The following MOB4 variants were observed in gnomAD, a reference collection of about 807,000 sequenced individuals.
The protein encoded by MOB4 is MOB-like protein phocein.
A neutral mutation model predicts 32.2 loss-of-function variants in MOB4; 4 were observed. The ratio of observed to expected loss-of-function variants is 0.12; its 90% CI spans 0.06 to 0.28. The LOEUF is 0.28. Among genes scored for constraint, MOB4 ranks in the 10% least tolerant of loss-of-function variants. MOB4 has a pLI of 1.00. For missense variants in MOB4, 158 were observed against 271.2 expected, an observed-to-expected ratio of 0.58 and a Z score of 2.93; for synonymous variants, 88 against 88.1, an observed-to-expected ratio of 1.00 and a Z score of 0.01.
intron 1 of MOB4, among the ~76,000 whole-genome samples, chr2:197,522,583 G>A (rs972091096): frequency 5.3e-5 from 8 of 151,428 alleles, no homozygotes; most frequent in South Asian, 4.2e-4. Context: ...CTTCCGCCTC[G>A]GCCTCCCAAA....
chr2:197,534,332 G>T (rs1454153984), intron 2 of MOB4, among the ~76,000 whole-genome samples: 3 of 152,040 alleles, frequency 2.0e-5, no homozygotes, highest in Non-Finnish European at 2.9e-5. Context: ...GCATTACAGA[G>T]ATCTGAAATT....
chr2:197,540,330 A>G, intron 4 of MOB4, 21 bp from the exon 5 acceptor site: 1 of 1,520,710 alleles, frequency 6.6e-7, no homozygotes, highest in Non-Finnish European at 8.8e-7. Context: ...ACATATTAAG[A>G]AATATAATTA....
chr2:197,518,572 TTTG>T (rs1202790490), intron 1 of MOB4, among the ~76,000 whole-genome samples: 12 of 150,730 alleles, frequency 8.0e-5, no homozygotes, highest in African/African-American at 2.9e-4. Context: ...GTTTTTTTTT[TTTG>T]TGTGTGAGGC....
At chr2:197,533,255 T>C (rs536341985) in intron 2 of MOB4, among the ~76,000 whole-genome samples, 1 of 152,222 alleles carries the variant, frequency 6.6e-6, no homozygotes, top group South Asian at 2.1e-4. Context: ...CTTGAGTGTG[T>C]TGGGGGAACG....
At chr2:197,549,297 T>A (rs1290343697) in intron 6 of MOB4, among the ~76,000 whole-genome samples, 2 of 152,162 alleles carry the variant, frequency 1.3e-5, no homozygotes, top group African/African-American at 2.4e-5. Context: ...ATTTTTAAGA[T>A]CTGAGAAGTC....
In MOB4 at chr2:197,540,398, A is replaced by G; in HGVS notation, c.315A>G (p.Gln105=). 2.5e-6 allele frequency: 4 copies of G among 1,594,464 alleles called. No homozygotes were observed. Among genetic ancestry groups the G allele is most frequent in the Non-Finnish European group, 3.4e-6 (4 of 1,173,258 alleles). The change falls in exon 5 of 8, where the codon CAA becomes CAG. Residue 105 remains glutamine (Q), a synonymous_variant. Transcript: ENST00000323303. ...DTCTQMTATE[Q]WIFLCAAHKT... is the part of the protein sequence containing the mutation. ...GCACTCAAATGACAGCAACTGAACA[A>G]TGGATTTTTCTTTGTGCAGCTCATA...
At chr2:197,536,028 A>G (rs905607528) in intron 3 of MOB4, among the ~76,000 whole-genome samples, 2 of 151,336 alleles carry the variant, frequency 1.3e-5, no homozygotes, top group Non-Finnish European at 1.5e-5. Context: ...CTTCCAGAGT[A>G]GCTGGGACTA....
Position 197,550,344 on chromosome 2 carries a change from A to G in MOB4, c.504A>G (p.Ser168=). Residue 168 remains serine, a synonymous_variant, in exon 7 of 8, where the codon TCA becomes TCG. Transcript: ENST00000323303. ...GCCGTAGGATTTACAGAATATTTTC[A>G]CATGCTTATTTTCATCATCGGCAGA... The part of the protein sequence containing the change: ...SVCRRIYRIF[S]HAYFHHRQIF... 1 of 1,613,986 alleles carries G rather than the reference A, an allele frequency of 6.2e-7. No homozygotes were observed. The highest frequency in any genetic ancestry group is 8.5e-7 in the Non-Finnish European group (1 of 1,179,980).
chr2:197,519,454 C>T (rs753259018), intron 1 of MOB4, among the ~76,000 whole-genome samples: 3 of 152,168 alleles, frequency 2.0e-5, no homozygotes, highest in Non-Finnish European at 2.9e-5. Flanking sequence ...ATAGTGTTTG[C>T]ATATAACCTA....
At chr2:197,537,952 G>A (rs780018758) in intron 3 of MOB4, among the ~76,000 whole-genome samples, 26 of 152,120 alleles carry the variant, frequency 1.7e-4, no homozygotes, top group Non-Finnish European at 3.1e-4. Flanking sequence ...GCTAATTTTT[G>A]TATTTTTAGT....
upstream of MOB4, chr2:197,515,835 G>A (rs1436374971): frequency 5.6e-6 from 3 of 531,038 alleles, no homozygotes; most frequent in Non-Finnish European, 9.9e-6. Flanking sequence ...CCCTCGCAAA[G>A]AGGCTCGTGG....
At chr2:197,519,742 G>A (rs1039598665) in intron 1 of MOB4, among the ~76,000 whole-genome samples, 5 of 151,992 alleles carry the variant, frequency 3.3e-5, no homozygotes, top group Non-Finnish European at 7.4e-5. Context: ...CAGATATGGA[G>A]GGCCAACTGT....
chr2:197,518,601 C>T (rs970462272), intron 1 of MOB4, among the ~76,000 whole-genome samples: 18 of 151,022 alleles, frequency 1.2e-4, no homozygotes, highest in African/African-American at 4.1e-4. Context: ...CTCGTTCTGT[C>T]GCCCAGGCTA....
chr2:197,517,857 G>A (rs1172139672), intron 1 of MOB4, among the ~76,000 whole-genome samples: 1 of 152,144 alleles, frequency 6.6e-6, no homozygotes, highest in Non-Finnish European at 1.5e-5. Flanking sequence ...CTATAATAGA[G>A]GGCTGGGTGC....
At position 197,537,638 on chromosome 2, in the gene MOB4, T is replaced by C. The variant is rs2086824804; in HGVS notation, c.224+2008T>C. Among the ~76,000 whole-genome samples the C allele has an allele frequency of 2.0e-5, 3 of 152,368 alleles. No homozygotes were observed. The South Asian group carries it at 6.2e-4, about 32-fold the overall frequency. ...AATTACTTGACTATTTTCTAACTTT[T>C]TAATATATATGAATGCACAATAATT... On this transcript the variant is annotated intron_variant, in intron 3 of 7. Coordinates refer to ENST00000323303, the MANE Select transcript of MOB4 (RefSeq NM_015387.5).
chr2:197,524,193 C>T (rs1305523539), intron 2 of MOB4, among the ~76,000 whole-genome samples: 1 of 151,940 alleles, frequency 6.6e-6, no homozygotes, highest in Non-Finnish European at 1.5e-5. Flanking sequence ...ATGATTGTGC[C>T]ACTGTACTTC....
intron 1 of MOB4, among the ~76,000 whole-genome samples, chr2:197,517,505 G>T (rs891567236): frequency 4.6e-5 from 7 of 152,096 alleles, no homozygotes; most frequent in Non-Finnish European, 1.0e-4. Flanking sequence ...TTCAGAAGTA[G>T]ACTTTTCTGT....
intron 5 of MOB4, among the ~76,000 whole-genome samples, chr2:197,543,799 C>T (rs1013872099): frequency 3.3e-5 from 5 of 151,306 alleles, no homozygotes; most frequent in African/African-American, 7.3e-5. Flanking sequence ...AGTTCAGTGG[C>T]GCAATCTCGG....
At chr2:197,532,422 C>G (rs2086721714) in intron 2 of MOB4, among the ~76,000 whole-genome samples, 1 of 152,056 alleles carries the variant, frequency 6.6e-6, no homozygotes, top group Non-Finnish European at 1.5e-5. Flanking sequence ...GCCTGTAATT[C>G]CAGTACTTTG....
Sources: allele counts gnomAD v4.1 joint callset (sites outside exome capture counted in the v4.1 genomes callset), GRCh38; gene constraint gnomAD v4.1.1; transcripts MANE v1.5; gene names NCBI Gene and HGNC (gene_info 2026-07-23, HGNC 2026-07-21).